TFEB: variants seen among roughly 807,000 people sequenced by gnomAD.
TFEB encodes the protein transcription factor EB.
TFEB carries 12 observed loss-of-function variants against 48.0 expected under a neutral mutation model. That is an observed-to-expected ratio of 0.25 (90% CI 0.16 to 0.40). The LOEUF is 0.40. Ranked by LOEUF, TFEB falls within the 10% of genes least tolerant of loss-of-function variation. The pLI is 1.00. For synonymous variants in TFEB, 244 were observed against 261.4 expected, an observed-to-expected ratio of 0.93 and a Z score of 0.64; for missense variants, 509 against 640.3, an observed-to-expected ratio of 0.79 and a Z score of 2.21.
chr6:41,719,038 G>A (rs891121591), intron 1 of TFEB, among the ~76,000 whole-genome samples: 2 of 152,196 alleles, frequency 1.3e-5, no homozygotes, highest in African/African-American at 4.8e-5. Context: ...TATATTTGCA[G>A]CCACTCCCCA....
chr6:41,715,038 C>A (rs894309094), intron 1 of TFEB, among the ~76,000 whole-genome samples: 2 of 152,088 alleles, frequency 1.3e-5, no homozygotes, highest in Admixed American at 1.3e-4. Flanking sequence ...CCATGGAGCA[C>A]CAGGAGTCAG....
intron 8 of TFEB, among the ~76,000 whole-genome samples, chr6:41,685,382 A>C (rs1184254503): frequency 6.6e-6 from 1 of 152,202 alleles, no homozygotes; most frequent in African/African-American, 2.4e-5. Flanking sequence ...AATGCATTGC[A>C]TCTATTAAGG....
At chr6:41,708,650 G>A (rs150606635) in intron 1 of TFEB, among the ~76,000 whole-genome samples, 2 of 152,328 alleles carry the variant, frequency 1.3e-5, no homozygotes, top group African/African-American at 2.4e-5. Flanking sequence ...CTCCCTGGGG[G>A]AGCCTCCCAA....
At position 41,724,394 on chromosome 6, in the gene TFEB, G is replaced by A. The variant is rs1771121541; in HGVS notation, c.-23+10956C>T. On this transcript the variant is annotated intron_variant, in intron 1 of 8. Transcript: ENST00000373033. The surrounding 1 kb of genome is among the most constrained non-coding windows in gnomAD (Gnocchi z 4.4). Reference sequence around the variant, plus strand: ...AGTGCAGGTTTCAGGAAGGAAGCGGGCAGCAGAGAGGAGATGAGGCAGGCC... The same window carrying A: ...AGTGCAGGTTTCAGGAAGGAAGCGGACAGCAGAGAGGAGATGAGGCAGGCC... Among the ~76,000 whole-genome samples, 1 of 152,178 alleles carries A rather than the reference G, an allele frequency of 6.6e-6. No individual in the cohort carries two copies. The highest frequency in any genetic ancestry group is 2.1e-4 in the South Asian group (1 of 4,838).
At position 41,690,891 on chromosome 6, in the gene TFEB, T is replaced by G. The variant is rs1769271271; in HGVS notation, c.240A>C (p.Thr80=). 1 of 1,600,044 alleles carries G rather than the reference T, an allele frequency of 6.2e-7. No individual in the cohort carries two copies. Among genetic ancestry groups the G allele is most frequent in the African/African-American group, 1.3e-5 (1 of 74,256 alleles). ...LKVQSYLENP[T]SYHLQQSQHQ... is the part of the protein sequence containing the mutation. ...GCTGCGACTGCTGCAGATGGTAGGATGTGGGATTCTCCAGGTAGGACTGCA... is the reference window on the plus strand; with the variant it reads ...GCTGCGACTGCTGCAGATGGTAGGAGGTGGGATTCTCCAGGTAGGACTGCA... Residue 80 remains threonine (T), a synonymous_variant, in exon 3 of 9, where the codon ACA becomes ACC. Coordinates refer to ENST00000373033, the MANE Select transcript of TFEB (RefSeq NM_001271944.2).
intron 1 of TFEB, among the ~76,000 whole-genome samples, chr6:41,699,575 G>A (rs1056127271): frequency 1.3e-5 from 2 of 152,362 alleles, no homozygotes; most frequent in South Asian, 4.1e-4. Context: ...ATTCACTGCA[G>A]GAGATGAGAG....
intron 1 of TFEB, among the ~76,000 whole-genome samples, chr6:41,701,923 C>T (rs1481410893): frequency 5.7e-5 from 8 of 140,168 alleles, no homozygotes; most frequent in South Asian, 2.2e-4. Context: ...CCAGCCTGGG[C>T]GACAGAGCAA....
chr6:41,708,620 A>C (rs1770345193), intron 1 of TFEB, among the ~76,000 whole-genome samples: 2 of 152,184 alleles, frequency 1.3e-5, no homozygotes, highest in African/African-American at 4.8e-5. Flanking sequence ...TGTCTCATGA[A>C]TCCTACTCTA....
chr6:41,718,192 T>G (rs973009308), intron 1 of TFEB, among the ~76,000 whole-genome samples: 1 of 151,880 alleles, frequency 6.6e-6, no homozygotes, highest in Non-Finnish European at 1.5e-5. Context: ...GGTGTTTTTT[T>G]TTGTTGTTTT....
intron 1 of TFEB, among the ~76,000 whole-genome samples, chr6:41,698,125 C>A (rs1416853747): frequency 1.3e-5 from 2 of 152,154 alleles, no homozygotes; most frequent in Non-Finnish European, 2.9e-5. Flanking sequence ...ATGTAATTAT[C>A]ATAATTATTT....
At chr6:41,695,926 C>G (rs77154409) in intron 1 of TFEB, among the ~76,000 whole-genome samples, 1,807 of 152,368 alleles carry the variant, frequency 0.012, 34 homozygotes, top group African/African-American at 0.042. Context: ...CCCCCAGCTC[C>G]ACCTGGGCTG....
chr6:41,701,829 C>G (rs11964976), intron 1 of TFEB, among the ~76,000 whole-genome samples: 5,539 of 151,670 alleles, frequency 0.037, 136 homozygotes, highest in Non-Finnish European at 0.054. Context: ...CCTGTAGTCC[C>G]AGCTACTTGG....
intron 8 of TFEB, 128 bp from the exon 9 acceptor site, chr6:41,685,206 T>A (rs1394942574): frequency 3.3e-6 from 4 of 1,213,922 alleles, no homozygotes; most frequent in Non-Finnish European, 1.1e-6. Context: ...GTGTTTCCGC[T>A]GGAAGAAAGC....
chr6:41,718,193 TTG>T (rs1454043135), intron 1 of TFEB, among the ~76,000 whole-genome samples: 3 of 151,782 alleles, frequency 2.0e-5, no homozygotes, highest in African/African-American at 7.3e-5. Flanking sequence ...GTGTTTTTTT[TTG>T]TTGTTTTATT....
At position 41,687,828 on chromosome 6, in the gene TFEB, GGA is replaced by G. The variant is rs778239083; in HGVS notation, c.671-21_671-20del. On this transcript the variant is annotated intron_variant, in intron 5 of 8. Coordinates refer to ENST00000373033, the MANE Select transcript of TFEB (RefSeq NM_001271944.2). ...TCAGCATCTGGAGGCCAAAAGAGAA[GGA>G]GAGAGGAGCTGGGAGGGAGGGAGAA... 6.2e-7 allele frequency: 1 copy of G among 1,613,062 alleles called. No individual in the cohort carries two copies. Among genetic ancestry groups the G allele is most frequent in the Non-Finnish European group, 8.5e-7 (1 of 1,179,352 alleles).
At chr6:41,718,926 T>A (rs1291040647) in intron 1 of TFEB, among the ~76,000 whole-genome samples, 1 of 152,070 alleles carries the variant, frequency 6.6e-6, no homozygotes, top group Admixed American at 6.5e-5. Context: ...GGGTCCCCAG[T>A]CCCCAGGCCA....
At chr6:41,708,833 G>C (rs1445815946) in intron 1 of TFEB, among the ~76,000 whole-genome samples, 2 of 152,196 alleles carry the variant, frequency 1.3e-5, no homozygotes, top group Non-Finnish European at 2.9e-5. Flanking sequence ...GTGAGCTAGG[G>C]GAAGACCAGT....
chr6:41,699,542 T>G (rs939020564), intron 1 of TFEB, among the ~76,000 whole-genome samples: 3 of 152,246 alleles, frequency 2.0e-5, no homozygotes, highest in Non-Finnish European at 4.4e-5. Flanking sequence ...AGATTTTCTT[T>G]TCCAGAGCTT....
chr6:41,730,425 T>C lies in TFEB; in HGVS notation c.-23+4925A>G, dbSNP rs994277745. Among the ~76,000 whole-genome samples, 5 of 152,180 alleles carry C rather than the reference T, an allele frequency of 3.3e-5. No homozygotes were observed. Among genetic ancestry groups the C allele is most frequent in the Non-Finnish European group, 2.9e-5 (2 of 68,036 alleles). On this transcript the variant is annotated intron_variant, in intron 1 of 8. Coordinates refer to ENST00000373033, the MANE Select transcript of TFEB (RefSeq NM_001271944.2). This position sits in a 1 kb window ranked among gnomAD's most constrained non-coding sequence, Gnocchi z 4.1. Reference sequence around the variant, plus strand: ...TACTCTGGGACCACTGCTGAATGCATAAGAGCCAACCAGGTGGCCTGCATG... The same window carrying C: ...TACTCTGGGACCACTGCTGAATGCACAAGAGCCAACCAGGTGGCCTGCATG...
Sources: gnomAD v4.1 joint callset for allele counts (sites outside exome capture counted in the v4.1 genomes callset) on GRCh38, gnomAD v4.1.1 for gene constraint, Gnocchi (gnomAD v3.1) non-coding constraint, MANE v1.5 for transcripts, NCBI Gene and HGNC (gene_info 2026-07-23, HGNC 2026-07-21) for gene names.